Variants in LRFN2 observed in about 807,000 individuals in gnomAD.
LRFN2 encodes leucine-rich repeat and fibronectin type-III domain-containing protein 2.
In LRFN2, 18 loss-of-function variants were observed where a neutral mutation model predicts 37.3. That is an observed-to-expected ratio of 0.48 (90% CI 0.33 to 0.72). The LOEUF is 0.72. Among genes scored for constraint, LRFN2 ranks in the 30% least tolerant of loss-of-function variants. The probability of loss-of-function intolerance (pLI) is 0.02; values close to 1 mark genes in which losing one functional copy is unlikely to be tolerated. For missense variants in LRFN2, 1,006 were observed against 1,060.7 expected, an observed-to-expected ratio of 0.95 and a Z score of 0.72; for synonymous variants, 556 against 466.6, an observed-to-expected ratio of 1.19 and a Z score of -2.47.
chr6:40,582,722 A>AAC (rs888719215), intron 1 of LRFN2, among the ~76,000 whole-genome samples: 1 of 151,134 alleles, frequency 6.6e-6, no homozygotes, highest in African/African-American at 2.4e-5. Flanking sequence ...CAGAAAAAAA[A>AAC]AAAAAAGACT....
intron 1 of LRFN2, among the ~76,000 whole-genome samples, chr6:40,535,655 T>C (rs9471365): frequency 0.48 from 73,228 of 151,964 alleles, 17,956 homozygotes; most frequent in African/African-American, 0.55. Context: ...CTGACCCAGG[T>C]TGATCTGTCT....
At chr6:40,518,011 T>C (rs1208526927) in intron 1 of LRFN2, among the ~76,000 whole-genome samples, 1 of 152,120 alleles carries the variant, frequency 6.6e-6, no homozygotes, top group Non-Finnish European at 1.5e-5. Context: ...TAGAAGTAGT[T>C]GGTGAAGTAT....
intron 1 of LRFN2, among the ~76,000 whole-genome samples, chr6:40,453,513 AACACACACACAC>A (rs5875719): frequency 1.4e-4 from 17 of 119,798 alleles, no homozygotes; most frequent in East Asian, 4.9e-4. Flanking sequence ...CCCCAAGCCA[AACACACACACAC>A]ACACACACAC....
intron 1 of LRFN2, among the ~76,000 whole-genome samples, chr6:40,556,465 G>A (rs1766882275): frequency 6.6e-6 from 1 of 152,164 alleles, no homozygotes; most frequent in Non-Finnish European, 1.5e-5. Context: ...GGAAAGGGAA[G>A]GGGAGAGAGC....
At chr6:40,462,379 C>T (rs1341130175) in intron 1 of LRFN2, among the ~76,000 whole-genome samples, 1 of 152,146 alleles carries the variant, frequency 6.6e-6, no homozygotes, top group Non-Finnish European at 1.5e-5. Flanking sequence ...TTGGCTTTGG[C>T]TGAAGATGCC....
intron 1 of LRFN2, among the ~76,000 whole-genome samples, chr6:40,550,523 A>G (rs148169691): frequency 1.2e-4 from 19 of 152,336 alleles, no homozygotes; most frequent in Non-Finnish European, 2.8e-4. Flanking sequence ...AGAGGAGTCC[A>G]GAGAAGACAA....
At chr6:40,503,882 C>T (rs1448272412) in intron 1 of LRFN2, among the ~76,000 whole-genome samples, 1 of 151,492 alleles carries the variant, frequency 6.6e-6, no homozygotes, top group East Asian at 1.9e-4. Flanking sequence ...CTACCAGTGA[C>T]ACTAGGAAAA....
At chr6:40,488,348 C>A (rs9369206) in intron 1 of LRFN2, among the ~76,000 whole-genome samples, 2,025 of 152,026 alleles carry the variant, frequency 0.013, 35 homozygotes, top group East Asian at 0.064. Flanking sequence ...GCCCCCCAAC[C>A]CCCACCGCCA....
intron 2 of LRFN2, among the ~76,000 whole-genome samples, chr6:40,420,233 C>A (rs1225824001): frequency 1.3e-5 from 2 of 152,352 alleles, no homozygotes; most frequent in South Asian, 4.1e-4. Flanking sequence ...GGTGGCCCAT[C>A]GCGTCCTGTG....
chr6:40,453,566 G>A (rs1764167711), intron 1 of LRFN2, among the ~76,000 whole-genome samples: 1 of 149,088 alleles, frequency 6.7e-6, no homozygotes, highest in Non-Finnish European at 1.5e-5. Context: ...CTCCCTTTGA[G>A]TTGACTTTGC....
intron 1 of LRFN2, among the ~76,000 whole-genome samples, chr6:40,477,557 G>A (rs567206767): frequency 2.0e-5 from 3 of 152,334 alleles, no homozygotes; most frequent in Admixed American, 1.3e-4. Context: ...GGGGTCAAAT[G>A]AGGCTCCAGA....
intron 1 of LRFN2, among the ~76,000 whole-genome samples, chr6:40,573,331 G>A (rs1260096861): frequency 6.6e-6 from 1 of 152,244 alleles, no homozygotes; most frequent in East Asian, 1.9e-4. Flanking sequence ...GGAGTGTGGG[G>A]CACTGGGGCC....
intron 1 of LRFN2, among the ~76,000 whole-genome samples, chr6:40,484,504 ATCCTGAT>A (rs1281666532): frequency 6.6e-6 from 1 of 152,184 alleles, no homozygotes; most frequent in Non-Finnish European, 1.5e-5. Context: ...AGAAGAGCAG[ATCCTGAT>A]TCAGGGAGTC....
chr6:40,470,525 G>A (rs910376623), intron 1 of LRFN2, among the ~76,000 whole-genome samples: 1 of 151,910 alleles, frequency 6.6e-6, no homozygotes, highest in African/African-American at 2.4e-5. Flanking sequence ...CAGGAGAATC[G>A]CTTGAACCCA....
At chr6:40,433,459 T>C (rs1393063363) in intron 1 of LRFN2, among the ~76,000 whole-genome samples, 1 of 152,196 alleles carries the variant, frequency 6.6e-6, no homozygotes, top group Admixed American at 6.5e-5. Context: ...ATTACCTAGC[T>C]CAATGCCTGG....
intron 1 of LRFN2, among the ~76,000 whole-genome samples, chr6:40,436,903 A>G (rs1763691923): frequency 6.6e-6 from 1 of 152,132 alleles, no homozygotes; most frequent in African/African-American, 2.4e-5. Flanking sequence ...GCTCAAATAT[A>G]GTTGAGTGGT....
intron 1 of LRFN2, among the ~76,000 whole-genome samples, chr6:40,470,831 G>A (rs910139789): frequency 2.6e-5 from 4 of 152,174 alleles, no homozygotes; most frequent in African/African-American, 9.7e-5. Flanking sequence ...ACCTCCAGGG[G>A]AACACCAGGG....
In LRFN2 at chr6:40,535,316, T is replaced by C. The variant is rs151024046; in HGVS notation, c.-19+51625A>G. 2.6e-5 allele frequency among the ~76,000 whole-genome samples: 4 copies of C among 152,298 alleles called. No homozygotes were observed. The East Asian group carries it at 7.7e-4, about 29-fold the overall frequency. ...TGATGATTACCATCATTATCATGAC[T>C]ATTATGATTGCTCATCCTGAGTTAG... On this transcript the variant is annotated intron_variant, in intron 1 of 2. Coordinates refer to ENST00000338305, the MANE Select transcript of LRFN2 (RefSeq NM_020737.3).
intron 1 of LRFN2, among the ~76,000 whole-genome samples, chr6:40,435,108 A>C: frequency 7.5e-6 from 1 of 132,916 alleles, no homozygotes; most frequent in African/African-American, 2.7e-5. Context: ...GATAATATAT[A>C]TTATATATTT....
Sources: allele counts gnomAD v4.1 joint callset (sites outside exome capture counted in the v4.1 genomes callset), GRCh38; gene constraint gnomAD v4.1.1; transcripts MANE v1.5; gene names NCBI Gene and HGNC (gene_info 2026-07-23, HGNC 2026-07-21).